IL1RAPL1: variants seen among roughly 807,000 people sequenced by gnomAD.
IL1RAPL1 encodes the protein interleukin 1 receptor accessory protein like 1, also known as interleukin-1 receptor accessory protein-like 1.
IL1RAPL1 carries 3 observed loss-of-function variants against 48.4 expected under a neutral mutation model. The observed-to-expected ratio is 0.06, with a 90% CI of 0.03 to 0.16. The LOEUF (loss-of-function observed/expected upper bound fraction) is 0.16. Among genes scored for constraint, IL1RAPL1 ranks in the 10% least tolerant of loss-of-function variants. The pLI, the probability that IL1RAPL1 is intolerant of heterozygous loss-of-function variation, is 1.00. For synonymous variants in IL1RAPL1, 185 were observed against 187.7 expected (o/e 0.99, Z 0.12); for missense variants, 349 against 530.6 (o/e 0.66, Z 3.36).
intron 3 of IL1RAPL1, among the ~76,000 whole-genome samples, chrX:29,373,012 G>A (rs758151552): frequency 9.1e-6 from 1 of 110,497 alleles, no homozygotes; most frequent in Admixed American, 9.7e-5. Context: ...AATTGCTTTG[G>A]GCAGTATGGC....
intron 5 of IL1RAPL1, among the ~76,000 whole-genome samples, chrX:29,522,872 T>A (rs1935515813): frequency 9.0e-6 from 1 of 111,401 alleles, no homozygotes; most frequent in African/African-American, 3.3e-5. Context: ...ACAATTAAGT[T>A]TTAACTTTTC....
rs778314921 is a variant in IL1RAPL1, at chrX:29,811,542, ATGTTAAT to A, written c.779-105921_779-105915del. ...TGCCTTCCCTAGCCCACTGACTCAA[ATGTTAAT>A]CTCCTTTGACAACACCCTCACAGAC... On this transcript the variant is annotated intron_variant, in intron 6 of 10. Coordinates refer to ENST00000378993, the MANE Select transcript of IL1RAPL1 (RefSeq NM_014271.4). 3.8e-3 allele frequency among the ~76,000 whole-genome samples: 421 copies of A among 109,788 alleles called. 3 individuals are homozygous for A. Among genetic ancestry groups the A allele is most frequent in the African/African-American group, 0.013 (396 of 30,120 alleles).
At chrX:28,640,997 AT>A (rs766046572) in intron 1 of IL1RAPL1, among the ~76,000 whole-genome samples, 12 of 110,861 alleles carry the variant, frequency 1.1e-4, no homozygotes, top group Non-Finnish European at 2.1e-4. Flanking sequence ...GGTGTCTCTA[AT>A]AAGATGGCCA....
chrX:28,652,823 G>A (rs1934699205), intron 1 of IL1RAPL1, among the ~76,000 whole-genome samples: 1 of 110,023 alleles, frequency 9.1e-6, no homozygotes, highest in African/African-American at 3.3e-5. Context: ...AAAAAAACAT[G>A]GAGGAAAATA....
intron 2 of IL1RAPL1, chrX:28,942,643 C>A (rs1924191931): frequency 1.2e-5 from 1 of 86,260 alleles, no homozygotes. Flanking sequence ...TATAAGACAT[C>A]TAATAGTAAA....
chrX:29,333,284 C>G (rs1384805094), intron 3 of IL1RAPL1, among the ~76,000 whole-genome samples: 2 of 109,486 alleles, frequency 1.8e-5, no homozygotes, highest in Non-Finnish European at 1.9e-5. Context: ...GGGGCTGACC[C>G]CCCCCACCAT....
intron 5 of IL1RAPL1, among the ~76,000 whole-genome samples, chrX:29,421,947 T>C (rs780395727): frequency 9.0e-6 from 1 of 111,608 alleles, no homozygotes; most frequent in East Asian, 2.8e-4. Flanking sequence ...AAAAATCAAC[T>C]CACAGAAAGC....
At chrX:29,389,043 G>T (rs1005708684) in intron 3 of IL1RAPL1, among the ~76,000 whole-genome samples, 31 of 111,410 alleles carry the variant, frequency 2.8e-4, no homozygotes, top group Non-Finnish European at 4.7e-4. Flanking sequence ...GCAAAATGAG[G>T]ATAAATACTG....
Position 28,999,308 on chromosome X carries a change from C to T in IL1RAPL1, c.82+209883C>T, listed in dbSNP as rs749737398. Among the ~76,000 whole-genome samples the T allele has an allele frequency of 5.4e-5, 6 of 111,298 alleles. No individual in the cohort carries two copies. In the South Asian group the frequency reaches 1.5e-3, roughly 28 times the overall value. ...AGTCTGACTCTACTTAATCTTGCCT[C>T]TTATTTTTCCTTCATATCAAGCAAG... On this transcript the variant is annotated intron_variant, in intron 2 of 10. Transcript: ENST00000378993.
chrX:29,077,112 G>A (rs1319007417), intron 2 of IL1RAPL1, among the ~76,000 whole-genome samples: 1 of 112,110 alleles, frequency 8.9e-6, no homozygotes, highest in Non-Finnish European at 1.9e-5. Context: ...AGATGATAAT[G>A]TATGGCCTCG....
intron 1 of IL1RAPL1, among the ~76,000 whole-genome samples, chrX:28,724,870 T>G (rs1249965371): frequency 9.0e-6 from 1 of 110,706 alleles, no homozygotes; most frequent in Non-Finnish European, 1.9e-5. Flanking sequence ...TGCTGATTAT[T>G]CTATACAAAG....
chrX:29,086,981 A>C (rs749878086), intron 2 of IL1RAPL1, among the ~76,000 whole-genome samples: 2 of 111,236 alleles, frequency 1.8e-5, no homozygotes, highest in African/African-American at 3.3e-5. Flanking sequence ...TACCTCAAAA[A>C]ATAGTATGTT....
At chrX:29,904,163 G>GT (rs1485500606) in intron 6 of IL1RAPL1, among the ~76,000 whole-genome samples, 7 of 111,357 alleles carry the variant, frequency 6.3e-5, no homozygotes, top group Non-Finnish European at 9.4e-5. Flanking sequence ...AGGTGGAGGA[G>GT]TTTTTTCGAT....
At chrX:29,379,763 T>C (rs1933671468) in intron 3 of IL1RAPL1, among the ~76,000 whole-genome samples, 1 of 112,039 alleles carries the variant, frequency 8.9e-6, no homozygotes, top group Admixed American at 9.5e-5. Context: ...CATTTTTCTC[T>C]CCAAAGATGT....
intron 2 of IL1RAPL1, among the ~76,000 whole-genome samples, chrX:28,959,218 G>A (rs1003454772): frequency 9.0e-6 from 1 of 111,153 alleles, no homozygotes; most frequent in Admixed American, 9.6e-5. Context: ...ATAAAATGCA[G>A]ATCGTTCAGT....
intron 2 of IL1RAPL1, among the ~76,000 whole-genome samples, chrX:29,260,977 G>T (rs2147583203): frequency 9.4e-6 from 1 of 106,088 alleles, no homozygotes; most frequent in East Asian, 2.8e-4. Context: ...TGTATAGACA[G>T]TAAAAATAAT....
intron 5 of IL1RAPL1, among the ~76,000 whole-genome samples, chrX:29,603,244 T>A (rs1431144556): frequency 2.0e-5 from 2 of 97,703 alleles, no homozygotes; most frequent in Non-Finnish European, 4.0e-5. Flanking sequence ...CCAGCCTGGG[T>A]GACAAAGTGA....
intron 8 of IL1RAPL1, among the ~76,000 whole-genome samples, chrX:29,928,594 T>C (rs777738425): frequency 3.6e-5 from 4 of 112,259 alleles, no homozygotes; most frequent in Admixed American, 9.5e-5. Flanking sequence ...GTGCCAGCTA[T>C]GGGCAAAGCA....
intron 2 of IL1RAPL1, among the ~76,000 whole-genome samples, chrX:29,237,887 A>C (rs1931339279): frequency 8.9e-6 from 1 of 112,466 alleles, no homozygotes. Flanking sequence ...ATGCTTTTTT[A>C]ATTGCATAAA....
Sources: allele counts gnomAD v4.1 joint callset (sites outside exome capture counted in the v4.1 genomes callset), GRCh38; gene constraint gnomAD v4.1.1; transcripts MANE v1.5; gene names NCBI Gene and HGNC (gene_info 2026-07-23, HGNC 2026-07-21).